CSMD1: variants seen among roughly 807,000 people sequenced by gnomAD.
CSMD1 encodes the protein CUB and Sushi multiple domains 1, also known as CUB and sushi domain-containing protein 1.
A neutral mutation model predicts 417.5 loss-of-function variants in CSMD1; 213 were observed. That is an observed-to-expected ratio of 0.51 (90% CI 0.46 to 0.57). CSMD1 has a LOEUF of 0.57. Among genes scored for constraint, CSMD1 ranks in the 20% least tolerant of loss-of-function variants. The pLI is 0.00. For missense variants in CSMD1, 6,923 were observed against 4,529.7 expected, an observed-to-expected ratio of 1.53 and a Z score of -15.17; for synonymous variants, 2,862 against 1,736.8, an observed-to-expected ratio of 1.65 and a Z score of -16.11.
chr8:3,158,833 T>C (rs548635604), intron 38 of CSMD1, among the ~76,000 whole-genome samples: 13 of 152,152 alleles, frequency 8.5e-5, no homozygotes, highest in Non-Finnish European at 1.9e-4. Flanking sequence ...ACAATTGGCA[T>C]AGAGGCAATT....
At chr8:4,699,605 T>C (rs532612190) in intron 1 of CSMD1, among the ~76,000 whole-genome samples, 82 of 152,330 alleles carry the variant, frequency 5.4e-4, no homozygotes, top group African/African-American at 1.8e-3. Flanking sequence ...ATCAGAGCTC[T>C]TGGCATTTAT....
chr8:3,120,049 G>C (rs982132813), intron 41 of CSMD1, among the ~76,000 whole-genome samples: 2 of 152,182 alleles, frequency 1.3e-5, no homozygotes, highest in African/African-American at 4.8e-5. Context: ...GAGTGAGCCT[G>C]TAGTTTGGAA....
At chr8:3,294,700 C>T (rs80011167) in intron 25 of CSMD1, among the ~76,000 whole-genome samples, 7,168 of 152,184 alleles carry the variant, frequency 0.047, 242 homozygotes, top group Admixed American at 0.095. Context: ...GGGAGTGACC[C>T]GATTTTCCAG....
chr8:3,200,984 T>C (rs981734145), intron 32 of CSMD1, among the ~76,000 whole-genome samples: 1 of 152,166 alleles, frequency 6.6e-6, no homozygotes, highest in East Asian at 1.9e-4. Context: ...GGTTAAATTG[T>C]GCTATATTAA....
intron 5 of CSMD1, among the ~76,000 whole-genome samples, chr8:3,867,411 C>T (rs1207687432): frequency 6.6e-6 from 1 of 152,088 alleles, no homozygotes; most frequent in Non-Finnish European, 1.5e-5. Flanking sequence ...TTTAAGGATA[C>T]TTACTCAGGA....
At chr8:3,468,601 A>C (rs1160720533) in intron 12 of CSMD1, 111 bp downstream of exon 12, 1 of 617,234 alleles carries the variant, frequency 1.6e-6, no homozygotes, top group East Asian at 2.9e-5. Flanking sequence ...ATTCCTATTT[A>C]TCAGCATTGT....
chr8:3,889,503 C>A (rs1306402655), intron 5 of CSMD1, among the ~76,000 whole-genome samples: 3 of 100,506 alleles, frequency 3.0e-5, no homozygotes, highest in Admixed American at 1.1e-4. Context: ...AAAATATGCT[C>A]ATTAGGTCAT....
At chr8:3,705,005 C>T (rs7841278) in intron 7 of CSMD1, 148,360 of 152,342 alleles carry the variant, frequency 0.97, 72,347 homozygotes, top group East Asian at 1. Context: ...CTTGCCCTCT[C>T]GAATTCACCA....
chr8:4,115,805 T>C (rs1375581630), intron 3 of CSMD1, among the ~76,000 whole-genome samples: 2 of 151,814 alleles, frequency 1.3e-5, no homozygotes, highest in African/African-American at 2.4e-5. Flanking sequence ...ATGTAAATCA[T>C]ATTTCTCAGT....
At chr8:4,882,888 A>G (rs1803501471) in intron 1 of CSMD1, among the ~76,000 whole-genome samples, 1 of 152,090 alleles carries the variant, frequency 6.6e-6, no homozygotes, top group Non-Finnish European at 1.5e-5. Context: ...AAGGAATGAG[A>G]GCAAGTCCTA....
intron 3 of CSMD1, among the ~76,000 whole-genome samples, chr8:4,240,554 T>G (rs2075569062): frequency 1.3e-5 from 2 of 152,242 alleles, no homozygotes; most frequent in South Asian, 4.1e-4. Flanking sequence ...TAGAAGCCTG[T>G]GCCTCCTGCC....
intron 3 of CSMD1, among the ~76,000 whole-genome samples, chr8:4,128,455 C>A (rs1044717294): frequency 6.6e-6 from 1 of 152,244 alleles, no homozygotes; most frequent in African/African-American, 2.4e-5. Context: ...TGCACATATG[C>A]CATTCCACAT....
intron 7 of CSMD1, among the ~76,000 whole-genome samples, chr8:3,699,327 A>C (rs771889729): frequency 1.1e-4 from 17 of 152,216 alleles, no homozygotes; most frequent in Non-Finnish European, 2.1e-4. Context: ...CATGATTCTG[A>C]AACTAGTGTG....
chr8:4,915,828 C>T (rs1806027865), intron 1 of CSMD1, among the ~76,000 whole-genome samples: 1 of 152,240 alleles, frequency 6.6e-6, no homozygotes, highest in Admixed American at 6.5e-5. Context: ...CACGGAGACC[C>T]ATCTGTCACA....
chr8:4,403,052 C>G (rs1804756993), intron 3 of CSMD1, among the ~76,000 whole-genome samples: 1 of 151,874 alleles, frequency 6.6e-6, no homozygotes. Context: ...AGGATGGTCT[C>G]AATCTCCTGA....
intron 6 of CSMD1, 81 bp downstream of exon 6, chr8:3,753,849 T>C: frequency 1.1e-6 from 1 of 907,846 alleles, no homozygotes; most frequent in South Asian, 1.6e-5. Context: ...TTTATCCAAC[T>C]CCTAAAATTT....
intron 7 of CSMD1, among the ~76,000 whole-genome samples, chr8:3,651,817 GAGCACCCACCACCA>G (rs2117386639): frequency 1.3e-5 from 2 of 150,086 alleles, no homozygotes; most frequent in South Asian, 2.1e-4. Flanking sequence ...ACCACCATCA[GAGCACCCACCACCA>G]TCAGAGCACC....
chr8:3,534,307 C>G (rs1798101230), intron 10 of CSMD1, among the ~76,000 whole-genome samples: 1 of 151,918 alleles, frequency 6.6e-6, no homozygotes, highest in Non-Finnish European at 1.5e-5. Flanking sequence ...TCATCTTTAC[C>G]TTGATGTAAG....
chr8:3,486,386 T>G (rs891425578), intron 11 of CSMD1, among the ~76,000 whole-genome samples: 5 of 152,218 alleles, frequency 3.3e-5, no homozygotes, highest in African/African-American at 1.2e-4. Context: ...TTAATGGACT[T>G]ATCTCCCCAA....
Sources: gnomAD v4.1 joint callset for allele counts (sites outside exome capture counted in the v4.1 genomes callset) on GRCh38, gnomAD v4.1.1 for gene constraint, MANE v1.5 for transcripts, NCBI Gene and HGNC (gene_info 2026-07-23, HGNC 2026-07-21) for gene names.